WIPI2: variants seen among roughly 807,000 people sequenced by gnomAD.
WIPI2 encodes the protein WD repeat domain phosphoinositide-interacting protein 2.
Under a neutral mutation model 52.3 loss-of-function variants are expected in WIPI2, and 28 were observed. That is an observed-to-expected ratio of 0.54 (90% CI 0.40 to 0.73). WIPI2 has a LOEUF of 0.73. Ranked by LOEUF, WIPI2 falls within the 30% of genes least tolerant of loss-of-function variation. The probability of loss-of-function intolerance (pLI) is 0.00; values close to 1 mark genes in which losing one functional copy is unlikely to be tolerated. For synonymous variants in WIPI2, 268 were observed against 245.0 expected (o/e 1.09, Z -0.88); for missense variants, 506 against 602.9 (o/e 0.84, Z 1.68).
rs1284788648 is a variant in WIPI2, at chr7:5,230,876, G to A, written c.1294G>A (p.Glu432Lys). ...GGGTGCTGTGGGTGGCGCCTGCCTG[G>A]AGGACGAGGCCAGCGCCCTGCGCCT... is the stretch of plus-strand genomic sequence containing the variant. Reference protein sequence around the residue: ...DLGAVGGACLEDEASALRLDE... With the variant: ...DLGAVGGACLKDEASALRLDE... Residue 432 changes from glutamate (E) to lysine (K), a missense_variant, in exon 13 of 13, where the codon GAG (glutamate) becomes AAG (lysine). This residue lies in a region of WIPI2 where 194 missense variants were observed against 175.1 expected (regional missense o/e 1.11). Coordinates refer to ENST00000288828, the MANE Select transcript of WIPI2 (RefSeq NM_015610.4). The surrounding 1 kb of genome is among the most constrained non-coding windows in gnomAD (Gnocchi z 4.8). 6.2e-7 allele frequency: 1 copy of A among 1,613,796 alleles called. No individual in the cohort carries two copies. The highest frequency in any genetic ancestry group is 1.1e-5 in the South Asian group (1 of 91,036).
At chr7:5,211,965 C>T (rs1782584311) in intron 3 of WIPI2, among the ~76,000 whole-genome samples, 1 of 152,264 alleles carries the variant, frequency 6.6e-6, no homozygotes, top group Admixed American at 6.5e-5. Context: ...AAGAGCACTT[C>T]TGCCTCTTGG....
intron 3 of WIPI2, among the ~76,000 whole-genome samples, chr7:5,210,445 C>T (rs1024687039): frequency 1.3e-5 from 2 of 152,194 alleles, no homozygotes; most frequent in South Asian, 4.1e-4. Flanking sequence ...CCATCTCATA[C>T]ACGGTCTTGG....
At chr7:5,206,930 G>A (rs934308169) in intron 3 of WIPI2, among the ~76,000 whole-genome samples, 2 of 152,170 alleles carry the variant, frequency 1.3e-5, no homozygotes, top group South Asian at 2.1e-4. Flanking sequence ...GGAGTGCACC[G>A]CCATGCTCAG....
rs1783496116 is a variant in WIPI2 at position 5,227,509 on chromosome 7, G to A, written c.1013+165G>A. ...ATGGGAGGTCCCCTGGCAGGCACTA[G>A]GCTTGCCGCTCTGTGCGGGGGTCCA... On this transcript the variant is annotated intron_variant, in intron 10 of 12. Transcript: ENST00000288828. This position sits in a 1 kb window ranked among gnomAD's most constrained non-coding sequence, Gnocchi z 8.1. 6.6e-6 allele frequency among the ~76,000 whole-genome samples: 1 copy of A among 152,236 alleles called. No homozygotes were observed. The highest frequency in any genetic ancestry group is 1.5e-5 in the Non-Finnish European group (1 of 68,044).
chr7:5,222,874 G>T (rs1038945364), intron 8 of WIPI2: 5 of 523,476 alleles, frequency 9.6e-6, no homozygotes, highest in Non-Finnish European at 1.7e-5. Context: ...TTGGGTTTTT[G>T]TTTGCGATCC....
At chr7:5,212,309 T>G (rs1006031518) in intron 3 of WIPI2, among the ~76,000 whole-genome samples, 11 of 152,080 alleles carry the variant, frequency 7.2e-5, no homozygotes, top group African/African-American at 2.7e-4. Context: ...GCGCGGTGAC[T>G]ACTAGAGGCA....
At chr7:5,210,774 C>G (rs752935322) in intron 3 of WIPI2, among the ~76,000 whole-genome samples, 48 of 152,166 alleles carry the variant, frequency 3.2e-4, no homozygotes, top group Admixed American at 6.5e-4. Flanking sequence ...AAGTGTTGCT[C>G]CCAGGGGAAG....
intron 7 of WIPI2, among the ~76,000 whole-genome samples, chr7:5,222,152 T>C (rs925742997): frequency 1.3e-5 from 2 of 152,208 alleles, no homozygotes; most frequent in African/African-American, 4.8e-5. Context: ...TTTCTCCATG[T>C]TGGTCAGGCT....
At chr7:5,194,216 A>T (rs1413608170) in intron 2 of WIPI2, among the ~76,000 whole-genome samples, 1 of 143,764 alleles carries the variant, frequency 7.0e-6, no homozygotes, top group Non-Finnish European at 1.5e-5. Context: ...TGTGAGGGGG[A>T]GCGGGGATGG....
chr7:5,217,295 G>A (rs1353395716), intron 6 of WIPI2, 108 bp downstream of exon 6: 8 of 1,145,938 alleles, frequency 7.0e-6, no homozygotes, highest in African/African-American at 1.5e-5. Context: ...TACAACCGCT[G>A]CACTTTTTTG....
intron 3 of WIPI2, among the ~76,000 whole-genome samples, chr7:5,209,846 C>A (rs1562393628): frequency 1.3e-5 from 2 of 152,158 alleles, no homozygotes; most frequent in Admixed American, 6.6e-5. Context: ...TTCCCTTGCC[C>A]ATGCATATCC....
In WIPI2 at chr7:5,228,109, A is replaced by G; in HGVS notation, c.1019A>G (p.Gln340Arg). Reference protein sequence around the residue: ...HKNICSLATIQKIPRLLVGAA... With the variant: ...HKNICSLATIRKIPRLLVGAA... The stretch of plus-strand genomic sequence containing the variant: ...CTGCTCTTTATTCTCCCTAGAATTC[A>G]GAAGATCCCGCGGTTGTTGGTGGGT... The change falls in exon 11 of 13, where the codon CAG (glutamine) becomes CGG (arginine). Residue 340 changes from glutamine (Q) to arginine (R), a missense_variant. Physicochemically the swap from Gln to Arg is conservative, Grantham distance 43. Coordinates refer to ENST00000288828, the MANE Select transcript of WIPI2 (RefSeq NM_015610.4). The G allele has an allele frequency of 2.5e-6, 4 of 1,613,920 alleles. No individual in the cohort carries two copies. The highest frequency in any genetic ancestry group is 3.4e-6 in the Non-Finnish European group (4 of 1,179,976).
rs1014750190 is a variant in WIPI2, at chr7:5,229,455, A to G, written c.1122-153A>G. 15 of 790,094 alleles carry G rather than the reference A, an allele frequency of 1.9e-5. No homozygotes were observed. In the African/African-American group the frequency reaches 2.5e-4, roughly 13 times the overall value. The allele number at this position is 790,094 out of a possible 1,614,324, so 48.9% of individuals were successfully genotyped here. A position where few individuals can be genotyped will look rare whatever the true frequency, so the allele number is the denominator to read the frequency against. ...TCTTCATGTAAAAACGTGTGCAGAT[A>G]GACGAGATTAAAGTTGCCACGGCGT... On this transcript the variant is annotated intron_variant, in intron 11 of 12. Coordinates refer to ENST00000288828, the MANE Select transcript of WIPI2 (RefSeq NM_015610.4).
At chr7:5,225,175 C>T (rs1040480989) in intron 8 of WIPI2, among the ~76,000 whole-genome samples, 1 of 151,532 alleles carries the variant, frequency 6.6e-6, no homozygotes, top group East Asian at 1.9e-4. Flanking sequence ...GAGTCTCACT[C>T]TGTCGCCCAG....
intron 8 of WIPI2, 51 bp from the exon 9 acceptor site, chr7:5,225,772 T>TG (rs1302898563): frequency 7.2e-7 from 1 of 1,392,040 alleles, no homozygotes; most frequent in Non-Finnish European, 1.0e-6. Flanking sequence ...GTTGAACCCC[T>TG]GGGGCAGCTG....
intron 7 of WIPI2, among the ~76,000 whole-genome samples, chr7:5,221,965 TCCC>T (rs869227781): frequency 2.4e-5 from 1 of 41,358 alleles, no homozygotes; most frequent in African/African-American, 9.1e-5. Flanking sequence ...TTTTTTTTTT[TCCC>T]CCCCCGAGAT....
chr7:5,191,728 G>A (rs140116614), intron 1 of WIPI2, among the ~76,000 whole-genome samples: 12 of 152,288 alleles, frequency 7.9e-5, no homozygotes, highest in African/African-American at 2.6e-4. Context: ...CATTGGTTGA[G>A]TTGTTACTGG....
Position 5,226,234 on chromosome 7 carries a change from C to T in WIPI2, c.848+304C>T, listed in dbSNP as rs151278417. On this transcript the variant is annotated intron_variant, in intron 9 of 12. Coordinates refer to ENST00000288828, the MANE Select transcript of WIPI2 (RefSeq NM_015610.4). ...ATGGCCTCTCCTCAGGTTCCCCTCA[C>T]GACAAAAGCGTTTGTGATCAGACAG... 464 of 335,442 alleles carry T rather than the reference C, an allele frequency of 1.4e-3. 4 individuals are homozygous for T. Among genetic ancestry groups the T allele is most frequent in the South Asian group, 2.6e-3 (70 of 26,804 alleles). 20.8% of individuals were successfully genotyped at this position (335,442 alleles called of 1,614,324 possible).
chr7:5,206,428 A>C (rs902932751), intron 3 of WIPI2, among the ~76,000 whole-genome samples: 1 of 152,170 alleles, frequency 6.6e-6, no homozygotes, highest in African/African-American at 2.4e-5. Flanking sequence ...GGTTCATTTT[A>C]CTGTTCTCTT....
Sources: allele counts gnomAD v4.1 joint callset (sites outside exome capture counted in the v4.1 genomes callset), GRCh38; gene constraint gnomAD v4.1.1; regional missense constraint gnomAD v4.1.1; non-coding constraint Gnocchi (gnomAD v3.1); transcripts MANE v1.5; gene names NCBI Gene and HGNC (gene_info 2026-07-23, HGNC 2026-07-21).